Variants in TBC1D22A observed in about 807,000 individuals in gnomAD.
The protein encoded by TBC1D22A is putative GTPase activator.
Under a neutral mutation model 60.2 loss-of-function variants are expected in TBC1D22A, and 38 were observed. The observed-to-expected ratio is 0.63, with a 90% confidence interval of 0.49 to 0.83. The LOEUF (loss-of-function observed/expected upper bound fraction) is 0.83, where lower values mean the gene tolerates loss of function less well. TBC1D22A is among the 40% of genes least tolerant of loss of function. The probability of loss-of-function intolerance (pLI) is 0.00; values close to 1 mark genes in which losing one functional copy is unlikely to be tolerated. For missense variants in TBC1D22A, 628 were observed against 701.0 expected, an observed-to-expected ratio of 0.90 and a Z score of 1.18; for synonymous variants, 302 against 281.7, an observed-to-expected ratio of 1.07 and a Z score of -0.72.
chr22:46,786,803 G>A (rs1013523723), intron 1 of TBC1D22A, among the ~76,000 whole-genome samples: 16 of 151,876 alleles, frequency 1.1e-4, no homozygotes, highest in African/African-American at 3.6e-4. Flanking sequence ...ATCCTCCCAC[G>A]TCAGCCTTCT....
At chr22:46,861,756 A>C (rs2087902178) in intron 4 of TBC1D22A, among the ~76,000 whole-genome samples, 1 of 152,164 alleles carries the variant, frequency 6.6e-6, no homozygotes, top group Admixed American at 6.5e-5. Flanking sequence ...TGGGGCTCTG[A>C]GCAGTCGTCT....
Position 47,099,068 on chromosome 22 carries a change from G to C in TBC1D22A, c.1330-12440G>C, listed in dbSNP as rs145741822. Among the ~76,000 whole-genome samples the C allele has an allele frequency of 5.1e-3, 772 of 152,350 alleles. 8 individuals are homozygous for C. Among genetic ancestry groups the C allele is most frequent in the African/African-American group, 0.017 (724 of 41,594 alleles). On this transcript the variant is annotated intron_variant, in intron 11 of 12. Coordinates refer to ENST00000337137, the MANE Select transcript of TBC1D22A (RefSeq NM_014346.5). Reference sequence around the variant, plus strand: ...TCTTTACTCAGACCCTGACACAGGGGTCCCAATGCCAAGGCTGCTGCAGAG... The same window carrying C: ...TCTTTACTCAGACCCTGACACAGGGCTCCCAATGCCAAGGCTGCTGCAGAG...
chr22:46,779,636 C>T (rs536517665), intron 1 of TBC1D22A, among the ~76,000 whole-genome samples: 18 of 152,268 alleles, frequency 1.2e-4, no homozygotes, highest in African/African-American at 3.1e-4. Context: ...TTGTTATGTG[C>T]GGGAAAAAAT....
At chr22:47,053,825 C>T (rs1383551101) in intron 11 of TBC1D22A, among the ~76,000 whole-genome samples, 2 of 152,236 alleles carry the variant, frequency 1.3e-5, no homozygotes, top group African/African-American at 4.8e-5. Context: ...TATACCAGCG[C>T]ATTTAATCTT....
chr22:47,109,546 G>A (rs2065768555), intron 11 of TBC1D22A, among the ~76,000 whole-genome samples: 1 of 152,008 alleles, frequency 6.6e-6, no homozygotes, highest in African/African-American at 2.4e-5. Context: ...CCACTCTCTG[G>A]GCTTGTCCAG....
At chr22:46,842,038 T>A (rs17834944) in intron 4 of TBC1D22A, among the ~76,000 whole-genome samples, 12,089 of 152,308 alleles carry the variant, frequency 0.079, 656 homozygotes, top group Non-Finnish European at 0.12. Flanking sequence ...TCCCTAATAA[T>A]AACATTCTGT....
chr22:47,111,753 T>G, intron 12 of TBC1D22A, 150 bp downstream of exon 12: 1 of 700,248 alleles, frequency 1.4e-6, no homozygotes, highest in Non-Finnish European at 2.4e-6. Flanking sequence ...TGAAAGCTCG[T>G]CCAGCTGAGG....
intron 11 of TBC1D22A, among the ~76,000 whole-genome samples, chr22:47,064,244 G>A (rs1603219649): frequency 6.6e-6 from 1 of 152,388 alleles, no homozygotes; most frequent in Admixed American, 6.5e-5. Flanking sequence ...CTCCCGCTCA[G>A]CAGTTTAACA....
intron 11 of TBC1D22A, among the ~76,000 whole-genome samples, chr22:47,105,074 C>T (rs1448778750): frequency 3.9e-5 from 6 of 152,032 alleles, no homozygotes; most frequent in East Asian, 1.9e-4. Flanking sequence ...GCTGTATCAT[C>T]GGCCATGGTC....
chr22:46,963,166 A>G (rs1301818588), intron 8 of TBC1D22A, among the ~76,000 whole-genome samples: 2 of 150,372 alleles, frequency 1.3e-5, no homozygotes, highest in Non-Finnish European at 3.0e-5. Flanking sequence ...GCTTGCAGTG[A>G]GCCAAGAAGG....
chr22:47,084,137 C>G (rs2064584995), intron 11 of TBC1D22A, among the ~76,000 whole-genome samples: 1 of 152,200 alleles, frequency 6.6e-6, no homozygotes, highest in African/African-American at 2.4e-5. Flanking sequence ...GCTGCCCTGT[C>G]TAGTATGGTG....
intron 4 of TBC1D22A, among the ~76,000 whole-genome samples, chr22:46,808,949 C>T (rs1398043763): frequency 6.6e-6 from 1 of 152,204 alleles, no homozygotes; most frequent in Non-Finnish European, 1.5e-5. Flanking sequence ...CTTGAAATCC[C>T]AGACTATGTT....
chr22:46,847,248 A>C (rs2087042337), intron 4 of TBC1D22A, among the ~76,000 whole-genome samples: 1 of 152,178 alleles, frequency 6.6e-6, no homozygotes, highest in African/African-American at 2.4e-5. Context: ...TGTAGAAGAG[A>C]TTGCCACCAT....
chr22:47,172,604 A>C (rs548248462), intron 12 of TBC1D22A, among the ~76,000 whole-genome samples: 1 of 152,370 alleles, frequency 6.6e-6, no homozygotes, highest in Admixed American at 6.5e-5. Flanking sequence ...GAGTCTGATC[A>C]AATGTCACTT....
At chr22:47,015,380 C>T (rs1449284138) in intron 10 of TBC1D22A, among the ~76,000 whole-genome samples, 2 of 152,218 alleles carry the variant, frequency 1.3e-5, no homozygotes, top group Admixed American at 1.3e-4. Context: ...CAATGAATGC[C>T]TTCGGCCCTC....
At chr22:46,800,952 C>G (rs1384262240) in intron 4 of TBC1D22A, among the ~76,000 whole-genome samples, 1 of 152,166 alleles carries the variant, frequency 6.6e-6, no homozygotes, top group Non-Finnish European at 1.5e-5. Context: ...GGGTCAGGCT[C>G]TGAGTACCCA....
At chr22:47,100,224 CA>C (rs1284711592) in intron 11 of TBC1D22A, among the ~76,000 whole-genome samples, 2 of 151,420 alleles carry the variant, frequency 1.3e-5, no homozygotes, top group Non-Finnish European at 3.0e-5. Flanking sequence ...GGTGAGGTGT[CA>C]GGGCACAGGA....
In TBC1D22A at chr22:47,149,141, T is replaced by G. The variant is rs2067399765; in HGVS notation, c.1426-24357T>G. Among the ~76,000 whole-genome samples, 3 of 152,268 alleles carry G rather than the reference T, an allele frequency of 2.0e-5. No individual in the cohort carries two copies. The South Asian group carries it at 6.2e-4, about 32-fold the overall frequency. ...CGTTGTTGGTCCAGTCCCCTGGGGC[T>G]GGGGTCACATGGCTCGGGGGCCCTT... On this transcript the variant is annotated intron_variant, in intron 12 of 12. Coordinates refer to ENST00000337137, the MANE Select transcript of TBC1D22A (RefSeq NM_014346.5).
At chr22:46,988,067 G>A (rs1261602396) in intron 9 of TBC1D22A, among the ~76,000 whole-genome samples, 1 of 142,738 alleles carries the variant, frequency 7.0e-6, no homozygotes, top group Admixed American at 7.1e-5. Flanking sequence ...CAGTCATTCT[G>A]GGAAAAGAAA....
Sources: allele counts gnomAD v4.1 joint callset (sites outside exome capture counted in the v4.1 genomes callset), GRCh38; gene constraint gnomAD v4.1.1; transcripts MANE v1.5; gene names NCBI Gene and HGNC (gene_info 2026-07-23, HGNC 2026-07-21).